The following SLC38A4 variants were observed in gnomAD, a reference collection of about 807,000 sequenced individuals.
SLC38A4 encodes the protein solute carrier family 38 member 4.
Under a neutral mutation model 63.1 loss-of-function variants are expected in SLC38A4, and 20 were observed. The ratio of observed to expected loss-of-function variants is 0.32; its 90% CI spans 0.22 to 0.46. SLC38A4 has a LOEUF of 0.46. Ranked by LOEUF, SLC38A4 falls within the 20% of genes least tolerant of loss-of-function variation. The probability of loss-of-function intolerance (pLI) is 1.00; values close to 1 mark genes in which losing one functional copy is unlikely to be tolerated. For missense variants in SLC38A4, 526 were observed against 663.6 expected (o/e 0.79, Z 2.28); for synonymous variants, 230 against 225.5 (o/e 1.02, Z -0.18).
chr12:46,824,549 C>G (rs541833229), intron 1 of SLC38A4, among the ~76,000 whole-genome samples: 2 of 152,122 alleles, frequency 1.3e-5, no homozygotes, highest in African/African-American at 2.4e-5. Context: ...TAGAGTCAAA[C>G]AACTGGAATG....
upstream of SLC38A4, among the ~76,000 whole-genome samples, chr12:46,827,552 C>T (rs1255298177): frequency 1.3e-5 from 2 of 152,094 alleles, no homozygotes; most frequent in Non-Finnish European, 2.9e-5. Flanking sequence ...ATTCAATTCC[C>T]TACATCACCT....
chr12:46,785,311 G>T, intron 5 of SLC38A4, 134 bp from the exon 6 acceptor site: 1 of 689,504 alleles, frequency 1.5e-6, no homozygotes, highest in Non-Finnish European at 2.4e-6. Flanking sequence ...TTTGGGGGAG[G>T]CTGAGAAATT....
chr12:46,791,823 A>G (rs1938895066), intron 3 of SLC38A4, among the ~76,000 whole-genome samples: 1 of 152,110 alleles, frequency 6.6e-6, no homozygotes, highest in South Asian at 2.1e-4. Context: ...AAAAGGCTGC[A>G]TAGGAGACCT....
At chr12:46,783,792 CATT>C (rs1474173069) in intron 7 of SLC38A4, among the ~76,000 whole-genome samples, 4 of 151,952 alleles carry the variant, frequency 2.6e-5, no homozygotes, top group East Asian at 3.9e-4. Flanking sequence ...GAGTAAGTGT[CATT>C]ATGTGGGGAG....
At chr12:46,808,441 G>A (rs1328059274) in intron 1 of SLC38A4, among the ~76,000 whole-genome samples, 3 of 151,878 alleles carry the variant, frequency 2.0e-5, no homozygotes, top group Non-Finnish European at 4.4e-5. Flanking sequence ...GTTTGGTTCA[G>A]GTTGACAAAT....
intron 1 of SLC38A4, among the ~76,000 whole-genome samples, chr12:46,815,332 T>C (rs1939422962): frequency 6.7e-6 from 1 of 148,366 alleles, no homozygotes; most frequent in African/African-American, 2.5e-5. Context: ...ATGAATCATA[T>C]TGAGATGGCC....
At chr12:46,797,004 A>C (rs1023883144) in intron 2 of SLC38A4, among the ~76,000 whole-genome samples, 1 of 152,072 alleles carries the variant, frequency 6.6e-6, no homozygotes, top group African/African-American at 2.4e-5. Context: ...GCCTTCTAGG[A>C]ATTCTCAAAA....
chr12:46,793,051 T>C lies in SLC38A4; in HGVS notation c.21A>G (p.Arg7=). Residue 7 remains arginine, a synonymous_variant, in exon 3 of 17, where the codon AGA becomes AGG. Transcript: ENST00000266579. ...CATCATCTGGTTCGATGTTGACATTTCTCAGTTCCATGGGATCCATTTGAG... is the reference window on the plus strand; with the variant it reads ...CATCATCTGGTTCGATGTTGACATTCCTCAGTTCCATGGGATCCATTTGAG... MDPMEL[R]NVNIEPDDES... is the part of the protein sequence containing the mutation. 6.2e-7 allele frequency: 1 copy of C among 1,613,050 alleles called. No individual in the cohort carries two copies. The highest frequency in any genetic ancestry group is 8.5e-7 in the Non-Finnish European group (1 of 1,179,266).
chr12:46,804,210 T>C (rs1939185849), intron 1 of SLC38A4, among the ~76,000 whole-genome samples: 1 of 151,948 alleles, frequency 6.6e-6, no homozygotes, highest in African/African-American at 2.4e-5. Flanking sequence ...TGCCATGAAG[T>C]TGGAAATCAC....
intron 5 of SLC38A4, 147 bp downstream of exon 5, chr12:46,787,769 G>A (rs1281833964): frequency 7.1e-6 from 4 of 560,558 alleles, no homozygotes; most frequent in Admixed American, 6.2e-5. Context: ...CTGCCGTTGG[G>A]TTAGGGATGG....
At chr12:46,774,976 A>G (rs768055327) in intron 14 of SLC38A4, 73 bp downstream of exon 14, 42 of 1,518,622 alleles carry the variant, frequency 2.8e-5, no homozygotes, top group Non-Finnish European at 3.6e-5. Flanking sequence ...AATTAAATCA[A>G]AATGAAGGTA....
chr12:46,821,507 C>G (rs1939550301), intron 1 of SLC38A4, among the ~76,000 whole-genome samples: 2 of 151,986 alleles, frequency 1.3e-5, no homozygotes, highest in Admixed American at 6.6e-5. Flanking sequence ...CTATGCCATT[C>G]TATTGATCTA....
chr12:46,792,378 G>C (rs1288690250), intron 3 of SLC38A4, among the ~76,000 whole-genome samples: 1 of 152,020 alleles, frequency 6.6e-6, no homozygotes, highest in Non-Finnish European at 1.5e-5. Flanking sequence ...ACTAGGATGG[G>C]GATTACTAGA....
rs149381510 is a variant in SLC38A4, at chr12:46,821,224, A to G, written c.-305+4679T>C. On this transcript the variant is annotated intron_variant, in intron 1 of 16. Transcript: ENST00000266579. ...CTGTGCTTTTGGTGTCATATCCAAT[A>G]AATCACTGCTAAGACCAATGTTAAA... Among the ~76,000 whole-genome samples, 494 of 152,198 alleles carry G rather than the reference A, an allele frequency of 3.2e-3. 4 individuals carry two copies. The highest frequency in any genetic ancestry group is 0.011 in the African/African-American group (467 of 41,556).
At chr12:46,785,944 T>C (rs1259236104) in intron 5 of SLC38A4, among the ~76,000 whole-genome samples, 1 of 151,644 alleles carries the variant, frequency 6.6e-6, no homozygotes, top group East Asian at 1.9e-4. Context: ...AGAAAAAAAA[T>C]CTTTATCTTT....
intron 3 of SLC38A4, among the ~76,000 whole-genome samples, chr12:46,789,407 G>T (rs959026430): frequency 2.0e-5 from 3 of 152,132 alleles, no homozygotes; most frequent in African/African-American, 4.8e-5. Context: ...CAAAAGAGTT[G>T]GGAGGGAAAG....
chr12:46,779,945 A>G lies in SLC38A4; in HGVS notation c.575+4T>C, dbSNP rs750353447. On this transcript the variant is annotated splice_donor_region_variant and intron_variant, in intron 8 of 16. Transcript: ENST00000266579. Reference sequence around the variant, plus strand: ...TGATGTCACAGAGGGAGCATAAGACATACCCAGTATTTTCTTCAAGTCCCA... The same window carrying G: ...TGATGTCACAGAGGGAGCATAAGACGTACCCAGTATTTTCTTCAAGTCCCA... 3.1e-6 allele frequency: 5 copies of G among 1,611,594 alleles called. No individual in the cohort carries two copies. The highest frequency in any genetic ancestry group is 4.2e-6 in the Non-Finnish European group (5 of 1,178,206).
chr12:46,769,053 C>T (rs896485454), intron 15 of SLC38A4, among the ~76,000 whole-genome samples: 20 of 152,068 alleles, frequency 1.3e-4, no homozygotes, highest in Non-Finnish European at 1.5e-5. Context: ...GGGTCAGTTT[C>T]CTCATCTATC....
intron 1 of SLC38A4, among the ~76,000 whole-genome samples, chr12:46,825,632 T>C (rs1353640331): frequency 6.6e-6 from 1 of 152,104 alleles, no homozygotes; most frequent in Non-Finnish European, 1.5e-5. Context: ...GTCATACGGT[T>C]TTAAAGAATA....
Sources: allele counts gnomAD v4.1 joint callset (sites outside exome capture counted in the v4.1 genomes callset), GRCh38; gene constraint gnomAD v4.1.1; transcripts MANE v1.5; gene names NCBI Gene and HGNC (gene_info 2026-07-23, HGNC 2026-07-21).